CFAP299: variants seen among roughly 807,000 people sequenced by gnomAD.
The protein encoded by CFAP299 is cilia and flagella associated protein 299, also known as cilia- and flagella-associated protein 299.
Under a neutral mutation model 27.0 loss-of-function variants are expected in CFAP299, and 21 were observed. The ratio of observed to expected loss-of-function variants is 0.78; its 90% CI spans 0.55 to 1.12. The LOEUF (loss-of-function observed/expected upper bound fraction) is 1.12. Among genes scored for constraint, CFAP299 ranks in the 50% most tolerant of loss-of-function variants. The pLI, the probability that CFAP299 is intolerant of heterozygous loss-of-function variation, is 0.00. For synonymous variants in CFAP299, 104 were observed against 98.1 expected (o/e 1.06, Z -0.36); for missense variants, 310 against 276.6 (o/e 1.12, Z -0.86).
chr4:80,378,195 C>T (rs113889856), intron 2 of CFAP299, among the ~76,000 whole-genome samples: 1 of 152,040 alleles, frequency 6.6e-6, no homozygotes, highest in Admixed American at 6.6e-5. Context: ...TTTTAATGCT[C>T]TTGTAACTAG....
chr4:80,706,886 T>C (rs1721851010), intron 3 of CFAP299, among the ~76,000 whole-genome samples: 1 of 151,900 alleles, frequency 6.6e-6, no homozygotes, highest in Admixed American at 6.6e-5. Context: ...TTTAGGTTCC[T>C]AATGAAATAA....
intron 3 of CFAP299, among the ~76,000 whole-genome samples, chr4:80,662,959 T>A (rs1201612283): frequency 1.3e-5 from 2 of 151,880 alleles, no homozygotes; most frequent in Non-Finnish European, 2.9e-5. Context: ...TGAAAAGGAA[T>A]GTCACTGGGA....
intron 2 of CFAP299, among the ~76,000 whole-genome samples, chr4:80,427,387 ATAT>A (rs1451648409): frequency 1.3e-5 from 2 of 152,228 alleles, no homozygotes; most frequent in Non-Finnish European, 2.9e-5. Context: ...TATGTGTGAA[ATAT>A]TATTATTGCT....
intron 3 of CFAP299, among the ~76,000 whole-genome samples, chr4:80,854,261 A>T (rs182647821): frequency 2.6e-5 from 4 of 152,332 alleles, no homozygotes; most frequent in Admixed American, 1.3e-4. Flanking sequence ...ATTTGGAAAG[A>T]TAAAATAGTT....
rs564779381 is a variant in CFAP299 at position 80,361,939 on chromosome 4, A to C, written c.112-815A>C. ...ATTTTTAATTAAAATGATAATGGCC[A>C]CTATTAATATATAAATACTGTTGTT... On this transcript the variant is annotated intron_variant, in intron 1 of 5. Coordinates refer to ENST00000358105, the MANE Select transcript of CFAP299 (RefSeq NM_152770.3). 7.9e-5 allele frequency among the ~76,000 whole-genome samples: 12 copies of C among 152,216 alleles called. No homozygotes were observed. In the South Asian group the frequency reaches 8.3e-4, roughly 11 times the overall value.
intron 3 of CFAP299, among the ~76,000 whole-genome samples, chr4:80,780,078 T>C (rs898306037): frequency 6.6e-6 from 1 of 152,002 alleles, no homozygotes; most frequent in Non-Finnish European, 1.5e-5. Flanking sequence ...ATTGTTCATT[T>C]TATGCTTTGA....
At chr4:80,926,567 A>G (rs1736315578) in intron 4 of CFAP299, among the ~76,000 whole-genome samples, 1 of 152,046 alleles carries the variant, frequency 6.6e-6, no homozygotes, top group Non-Finnish European at 1.5e-5. Flanking sequence ...AGATGCATGG[A>G]GAAGGAGAGG....
At chr4:80,557,005 C>G (rs1023105820) in intron 2 of CFAP299, among the ~76,000 whole-genome samples, 3 of 151,972 alleles carry the variant, frequency 2.0e-5, no homozygotes, top group African/African-American at 7.2e-5. Flanking sequence ...TTAATAAAAC[C>G]TTATAAACAA....
At chr4:80,661,888 C>T (rs1050533655) in intron 3 of CFAP299, among the ~76,000 whole-genome samples, 7 of 152,060 alleles carry the variant, frequency 4.6e-5, no homozygotes, top group Non-Finnish European at 8.8e-5. Context: ...CTGAAATGGC[C>T]GCTTTGGTGA....
chr4:80,576,187 TAAAAA>T (rs760438865), intron 2 of CFAP299, among the ~76,000 whole-genome samples: 7 of 142,114 alleles, frequency 4.9e-5, no homozygotes, highest in Admixed American at 7.0e-5. Context: ...AGTATAATAA[TAAAAA>T]AAAAAATATA....
chr4:80,474,060 C>T (rs1730150845), intron 2 of CFAP299, among the ~76,000 whole-genome samples: 1 of 152,088 alleles, frequency 6.6e-6, no homozygotes, highest in African/African-American at 2.4e-5. Flanking sequence ...GTTTATGTCT[C>T]AAGGTCCTCC....
chr4:80,546,759 C>G (rs1045304975), intron 2 of CFAP299, among the ~76,000 whole-genome samples: 1 of 152,056 alleles, frequency 6.6e-6, no homozygotes, highest in African/African-American at 2.4e-5. Context: ...TGCCTTACAC[C>G]ATGAGTAAAA....
chr4:80,764,688 C>T (rs1218004081), intron 3 of CFAP299, among the ~76,000 whole-genome samples: 1 of 152,100 alleles, frequency 6.6e-6, no homozygotes, highest in East Asian at 1.9e-4. Context: ...AGACTTGGAA[C>T]CAACCCAAAT....
chr4:80,721,339 G>T (rs544440640), intron 3 of CFAP299, among the ~76,000 whole-genome samples: 3 of 152,286 alleles, frequency 2.0e-5, no homozygotes, highest in South Asian at 2.1e-4. Flanking sequence ...TTAAACAAAA[G>T]AAATTTATTT....
At chr4:80,459,194 T>TACA (rs1194704337) in intron 2 of CFAP299, among the ~76,000 whole-genome samples, 3 of 152,144 alleles carry the variant, frequency 2.0e-5, no homozygotes, top group Non-Finnish European at 4.4e-5. Context: ...CTCCCTATGT[T>TACA]GCCCAGGCTG....
chr4:80,941,757 T>C (rs74544338), intron 4 of CFAP299, among the ~76,000 whole-genome samples: 2,828 of 152,224 alleles, frequency 0.019, 47 homozygotes, highest in Non-Finnish European at 0.029. Flanking sequence ...GGGGAGGTCT[T>C]AGGGAGCTTT....
chr4:80,596,026 A>T (rs961550426), intron 3 of CFAP299, among the ~76,000 whole-genome samples: 3 of 152,256 alleles, frequency 2.0e-5, no homozygotes, highest in African/African-American at 7.2e-5. Flanking sequence ...GAATTGACCA[A>T]ATGAAAGATC....
intron 2 of CFAP299, among the ~76,000 whole-genome samples, chr4:80,547,011 C>G (rs180796352): frequency 6.4e-4 from 97 of 151,894 alleles, no homozygotes; most frequent in Middle Eastern, 3.4e-3. Context: ...TCATTTTTCA[C>G]AGAATTAAAA....
intron 2 of CFAP299, among the ~76,000 whole-genome samples, chr4:80,577,371 T>C (rs2109863238): frequency 6.6e-6 from 1 of 151,964 alleles, no homozygotes; most frequent in East Asian, 1.9e-4. Context: ...AATTAGGGAT[T>C]ATTAAGAAAC....
Sources: allele counts gnomAD v4.1 joint callset (sites outside exome capture counted in the v4.1 genomes callset), GRCh38; gene constraint gnomAD v4.1.1; transcripts MANE v1.5; gene names NCBI Gene and HGNC (gene_info 2026-07-23, HGNC 2026-07-21).